The following SNTG1 variants were observed in gnomAD, a reference collection of about 807,000 sequenced individuals.
SNTG1 encodes syntrophin gamma 1, also known as gamma-1-syntrophin.
Under a neutral mutation model 74.7 loss-of-function variants are expected in SNTG1, and 39 were observed. The observed-to-expected ratio is 0.52, with a 90% CI of 0.40 to 0.68. The LOEUF (loss-of-function observed/expected upper bound fraction) is 0.68, where lower values mean the gene tolerates loss of function less well. Among genes scored for constraint, SNTG1 ranks in the 30% least tolerant of loss-of-function variants. The pLI is 0.00. For missense variants in SNTG1, 685 were observed against 609.5 expected (o/e 1.12, Z -1.30); for synonymous variants, 254 against 217.1 (o/e 1.17, Z -1.49).
chr8:50,573,966 T>G (rs2094563072), intron 12 of SNTG1, among the ~76,000 whole-genome samples: 1 of 152,058 alleles, frequency 6.6e-6, no homozygotes, highest in African/African-American at 2.4e-5. Flanking sequence ...GTGAAAGTTC[T>G]TAATAAAATA....
chr8:50,724,564 CT>C (rs1308747750), intron 17 of SNTG1, among the ~76,000 whole-genome samples: 1 of 152,002 alleles, frequency 6.6e-6, no homozygotes, highest in Non-Finnish European at 1.5e-5. Flanking sequence ...TAAAGAGAAA[CT>C]GAGAGATATT....
At chr8:50,669,911 C>T (rs1432289951) in intron 15 of SNTG1, among the ~76,000 whole-genome samples, 3 of 152,212 alleles carry the variant, frequency 2.0e-5, no homozygotes, top group Non-Finnish European at 4.4e-5. Flanking sequence ...AAATGTAATC[C>T]AGCATAGAAA....
At chr8:50,331,143 G>C (rs1170660421) in intron 2 of SNTG1, among the ~76,000 whole-genome samples, 2 of 152,110 alleles carry the variant, frequency 1.3e-5, no homozygotes, top group Non-Finnish European at 2.9e-5. Flanking sequence ...GTACGTACAT[G>C]CTATATAACT....
chr8:50,779,860 A>T (rs898991529), intron 18 of SNTG1, among the ~76,000 whole-genome samples: 46 of 152,060 alleles, frequency 3.0e-4, no homozygotes, highest in African/African-American at 8.9e-4. Flanking sequence ...AGCTCTTATT[A>T]TTTTGAGATA....
intron 18 of SNTG1, among the ~76,000 whole-genome samples, chr8:50,782,413 C>CT (rs1401297713): frequency 1.3e-5 from 2 of 152,118 alleles, no homozygotes; most frequent in Admixed American, 6.5e-5. Context: ...TCTTTTTATT[C>CT]TTTTTTCTCT....
intron 9 of SNTG1, among the ~76,000 whole-genome samples, chr8:50,509,457 T>G (rs569283615): frequency 1.3e-5 from 2 of 152,198 alleles, no homozygotes; most frequent in Non-Finnish European, 2.9e-5. Context: ...GTGAAGAAAC[T>G]CATCGGTAGC....
chr8:50,135,275 C>T (rs1164172811), intron 1 of SNTG1, among the ~76,000 whole-genome samples: 1 of 152,194 alleles, frequency 6.6e-6, no homozygotes, highest in Non-Finnish European at 1.5e-5. Flanking sequence ...TTGAATCGGA[C>T]TCTAAATCAA....
chr8:50,047,219 G>T (rs1713527375), intron 1 of SNTG1, among the ~76,000 whole-genome samples: 1 of 151,826 alleles, frequency 6.6e-6, no homozygotes, highest in African/African-American at 2.4e-5. Context: ...CATGCCTGTG[G>T]TCTCAGCTGC....
intron 18 of SNTG1, among the ~76,000 whole-genome samples, chr8:50,771,797 G>C (rs766586293): frequency 6.6e-6 from 1 of 152,006 alleles, no homozygotes; most frequent in Non-Finnish European, 1.5e-5. Flanking sequence ...TGCTGCCTCA[G>C]GATGCTGCTC....
At chr8:50,283,344 T>C (rs1398712957) in intron 2 of SNTG1, among the ~76,000 whole-genome samples, 1 of 152,168 alleles carries the variant, frequency 6.6e-6, no homozygotes, top group Non-Finnish European at 1.5e-5. Flanking sequence ...AAGAATTTCC[T>C]TAAAGACAAA....
At chr8:50,062,266 C>T (rs1416411683) in intron 1 of SNTG1, among the ~76,000 whole-genome samples, 1 of 152,108 alleles carries the variant, frequency 6.6e-6, no homozygotes, top group Non-Finnish European at 1.5e-5. Flanking sequence ...AGGCTGATCT[C>T]TAACTCCTGA....
intron 13 of SNTG1, among the ~76,000 whole-genome samples, chr8:50,613,529 T>G (rs998605085): frequency 6.6e-6 from 1 of 152,200 alleles, no homozygotes; most frequent in Non-Finnish European, 1.5e-5. Flanking sequence ...CTATACTCTT[T>G]CATATTCTAA....
intron 8 of SNTG1, among the ~76,000 whole-genome samples, chr8:50,492,166 A>T (rs12546758): frequency 0.86 from 130,588 of 152,122 alleles, 56,187 homozygotes; most frequent in Non-Finnish European, 0.89. Context: ...TCCAAGTCTT[A>T]GTTGTTGTAA....
chr8:50,404,622 T>C (rs1262158550), intron 4 of SNTG1, among the ~76,000 whole-genome samples: 1 of 151,122 alleles, frequency 6.6e-6, no homozygotes, highest in African/African-American at 2.4e-5. Flanking sequence ...ATATGGTCAG[T>C]TAAGTTTTTT....
intron 2 of SNTG1, among the ~76,000 whole-genome samples, chr8:50,308,294 G>A (rs144567449): frequency 1.3e-5 from 2 of 151,950 alleles, no homozygotes; most frequent in East Asian, 1.9e-4. Flanking sequence ...CTATTAGTGG[G>A]ATTAGTTTTT....
intron 1 of SNTG1, among the ~76,000 whole-genome samples, chr8:50,160,580 T>C (rs935846199): frequency 5.9e-5 from 9 of 152,162 alleles, no homozygotes; most frequent in Non-Finnish European, 1.5e-5. Context: ...GTGAATGAAA[T>C]GTAAATAAAA....
chr8:50,179,501 T>A (rs2083122125), intron 2 of SNTG1, among the ~76,000 whole-genome samples: 1 of 152,062 alleles, frequency 6.6e-6, no homozygotes, highest in African/African-American at 2.4e-5. Context: ...AAAAAGGTAA[T>A]CTATGGACTG....
At chr8:50,686,684 T>C (rs1416341850) in intron 15 of SNTG1, among the ~76,000 whole-genome samples, 3 of 152,152 alleles carry the variant, frequency 2.0e-5, no homozygotes, top group African/African-American at 7.2e-5. Flanking sequence ...AGTTACTTTT[T>C]TTCAGTGGTT....
At chr8:50,347,351 G>A (rs545176618) in intron 2 of SNTG1, among the ~76,000 whole-genome samples, 7 of 152,188 alleles carry the variant, frequency 4.6e-5, no homozygotes, top group Admixed American at 6.5e-5. Context: ...ACTGAATATC[G>A]GAAGCCCACT....
Sources: gnomAD v4.1 joint callset for allele counts (sites outside exome capture counted in the v4.1 genomes callset) on GRCh38, gnomAD v4.1.1 for gene constraint, MANE v1.5 for transcripts, NCBI Gene and HGNC (gene_info 2026-07-23, HGNC 2026-07-21) for gene names.